THRB: variants seen among roughly 807,000 people sequenced by gnomAD.
THRB encodes nuclear receptor subfamily 1 group A member 2.
Under a neutral mutation model 47.8 loss-of-function variants are expected in THRB, and 12 were observed. That is an observed-to-expected ratio of 0.25 (90% CI 0.16 to 0.41). The LOEUF (loss-of-function observed/expected upper bound fraction) is 0.41, where lower values mean the gene tolerates loss of function less well. Among genes scored for constraint, THRB ranks in the 10% least tolerant of loss-of-function variants. The pLI, the probability that THRB is intolerant of heterozygous loss-of-function variation, is 1.00. For synonymous variants in THRB, 218 were observed against 212.2 expected (o/e 1.03, Z -0.24); for missense variants, 348 against 589.2 (o/e 0.59, Z 4.24).
chr3:24,209,608 A>G (rs2045796907), intron 4 of THRB, among the ~76,000 whole-genome samples: 2 of 152,300 alleles, frequency 1.3e-5, no homozygotes, highest in African/African-American at 4.8e-5. Context: ...TCTCACTCAA[A>G]GGTGGGAATT....
Position 24,132,142 on chromosome 3 carries a change from G to A in THRB, c.885+1174C>T, listed in dbSNP as rs1001914466. ...AGAGCTGGAAGCCAAGGCAGCAGGA[G>A]TCATTCCAGGTGAGGAAACTTAGCT... On this transcript the variant is annotated intron_variant, in intron 9 of 10. Coordinates refer to ENST00000646209, the MANE Select transcript of THRB (RefSeq NM_001354712.2). Among the ~76,000 whole-genome samples the A allele has an allele frequency of 2.6e-5, 4 of 152,140 alleles. No homozygotes were observed. In the South Asian group the frequency reaches 8.3e-4, roughly 32 times the overall value.
intron 7 of THRB, chr3:24,144,012 G>C: frequency 2.3e-6 from 1 of 436,074 alleles, no homozygotes; most frequent in Non-Finnish European, 4.3e-6. Context: ...GAGTGAAGCA[G>C]AGAGGTAAAA....
chr3:24,446,723 G>A (rs1352470196), intron 1 of THRB, among the ~76,000 whole-genome samples: 3 of 152,156 alleles, frequency 2.0e-5, no homozygotes, highest in Non-Finnish European at 4.4e-5. Context: ...GCAAATCTTT[G>A]TGGGGTGCTC....
chr3:24,287,320 T>C (rs2055414229), intron 3 of THRB, among the ~76,000 whole-genome samples: 1 of 152,144 alleles, frequency 6.6e-6, no homozygotes, highest in Admixed American at 6.6e-5. Context: ...TCAATTTAGG[T>C]CTTGATTGAT....
intron 5 of THRB, among the ~76,000 whole-genome samples, chr3:24,189,079 G>C (rs1387897102): frequency 6.6e-6 from 1 of 151,726 alleles, no homozygotes; most frequent in Admixed American, 6.6e-5. Context: ...TAAAAGACCA[G>C]TTCTTTTATA....
chr3:24,394,438 A>G (rs2066801070), intron 1 of THRB, among the ~76,000 whole-genome samples: 1 of 152,040 alleles, frequency 6.6e-6, no homozygotes. Context: ...GGGTTTCCCT[A>G]CTTCCTGGGG....
chr3:24,495,029 T>C (rs1028578407), upstream of THRB: 3 of 152,070 alleles, frequency 2.0e-5, no homozygotes, highest in African/African-American at 7.2e-5. Context: ...TCTCCACTTT[T>C]ATAGGCGTAG....
At chr3:24,480,492 A>G (rs937089229) in intron 1 of THRB, among the ~76,000 whole-genome samples, 3 of 152,202 alleles carry the variant, frequency 2.0e-5, no homozygotes, top group African/African-American at 7.2e-5. Context: ...CAGGGATCAA[A>G]TGACTCTGGA....
intron 1 of THRB, among the ~76,000 whole-genome samples, chr3:24,437,219 C>G (rs2071056841): frequency 6.7e-6 from 1 of 150,314 alleles, no homozygotes; most frequent in South Asian, 2.1e-4. Flanking sequence ...AACATGAAAT[C>G]CTCTCATTTG....
At chr3:24,403,558 C>G (rs1047003221) in intron 1 of THRB, among the ~76,000 whole-genome samples, 1 of 151,854 alleles carries the variant, frequency 6.6e-6, no homozygotes, top group African/African-American at 2.4e-5. Context: ...TTGGTAAAAG[C>G]AGTAAGGAGT....
At chr3:24,334,450 A>G (rs957700094) in intron 2 of THRB, among the ~76,000 whole-genome samples, 3 of 152,272 alleles carry the variant, frequency 2.0e-5, no homozygotes, top group African/African-American at 7.2e-5. Flanking sequence ...AAAGTAATGC[A>G]TGACAAAAAT....
intron 3 of THRB, among the ~76,000 whole-genome samples, chr3:24,267,509 C>T (rs1044817253): frequency 6.6e-6 from 1 of 152,154 alleles, no homozygotes; most frequent in Admixed American, 6.5e-5. Context: ...CTCTCCTGGG[C>T]TCATCTATGC....
At chr3:24,199,340 C>T (rs1186643464) in intron 4 of THRB, among the ~76,000 whole-genome samples, 1 of 152,202 alleles carries the variant, frequency 6.6e-6, no homozygotes, top group Admixed American at 6.5e-5. Context: ...AGTACGCTGC[C>T]TTTCATTGCT....
chr3:24,248,619 G>C (rs143643327), intron 3 of THRB, among the ~76,000 whole-genome samples: 5 of 152,288 alleles, frequency 3.3e-5, no homozygotes, highest in Admixed American at 2.6e-4. Flanking sequence ...AAGAAGACTG[G>C]AAGGTGAGGA....
At chr3:24,429,302 GAT>G (rs1017498730) in intron 1 of THRB, among the ~76,000 whole-genome samples, 2 of 149,954 alleles carry the variant, frequency 1.3e-5, no homozygotes, top group Admixed American at 6.7e-5. Context: ...TATTCACCTT[GAT>G]ATATATATGT....
chr3:24,327,928 C>A (rs535245079), intron 2 of THRB, among the ~76,000 whole-genome samples: 11 of 151,944 alleles, frequency 7.2e-5, no homozygotes, highest in Admixed American at 4.6e-4. Flanking sequence ...GAGATAATAT[C>A]CTTAATAAAG....
intron 1 of THRB, among the ~76,000 whole-genome samples, chr3:24,467,854 T>G (rs1213082407): frequency 6.6e-6 from 1 of 150,758 alleles, no homozygotes; most frequent in African/African-American, 2.4e-5. Context: ...ATCTGCTGCA[T>G]TAACCTCTAA....
intron 1 of THRB, among the ~76,000 whole-genome samples, chr3:24,462,914 A>G (rs1014141730): frequency 3.3e-5 from 5 of 152,202 alleles, no homozygotes; most frequent in African/African-American, 9.7e-5. Flanking sequence ...CCAAAGGCTG[A>G]TCTGCTTCTA....
chr3:24,202,458 C>G (rs149973160), intron 4 of THRB, among the ~76,000 whole-genome samples: 1 of 152,048 alleles, frequency 6.6e-6, no homozygotes, highest in Non-Finnish European at 1.5e-5. Flanking sequence ...TTCTGTTTCC[C>G]ATACTGGTTG....
Sources: gnomAD v4.1 joint callset for allele counts (sites outside exome capture counted in the v4.1 genomes callset) on GRCh38, gnomAD v4.1.1 for gene constraint, MANE v1.5 for transcripts, NCBI Gene and HGNC (gene_info 2026-07-23, HGNC 2026-07-21) for gene names.